Variants in ABCC4 observed in about 807,000 individuals in gnomAD.
ABCC4 encodes ATP-binding cassette sub-family C member 4.
Under a neutral mutation model 168.5 loss-of-function variants are expected in ABCC4, and 102 were observed. The observed-to-expected ratio is 0.61, with a 90% CI of 0.52 to 0.71. The LOEUF (loss-of-function observed/expected upper bound fraction) is 0.71, where lower values mean the gene tolerates loss of function less well. Among genes scored for constraint, ABCC4 ranks in the 30% least tolerant of loss-of-function variants. ABCC4 has a pLI of 0.00. For synonymous variants in ABCC4, 617 were observed against 590.7 expected (o/e 1.04, Z -0.65); for missense variants, 1,402 against 1,605.8 (o/e 0.87, Z 2.17).
chr13:95,205,854 C>T (rs534701149), intron 8 of ABCC4, among the ~76,000 whole-genome samples: 3 of 152,250 alleles, frequency 2.0e-5, no homozygotes, highest in Admixed American at 2.0e-4. Flanking sequence ...GATGGGAGGA[C>T]ACAGAGGTCC....
chr13:95,217,894 G>A (rs1419443022), intron 4 of ABCC4, among the ~76,000 whole-genome samples: 3 of 152,010 alleles, frequency 2.0e-5, no homozygotes, highest in Admixed American at 1.3e-4. Context: ...TTTCGGATTC[G>A]GGTACTTCCT....
intron 3 of ABCC4, among the ~76,000 whole-genome samples, chr13:95,241,580 T>C (rs908468119): frequency 6.6e-6 from 1 of 152,036 alleles, no homozygotes; most frequent in Non-Finnish European, 1.5e-5. Flanking sequence ...CCAGTCCCCA[T>C]CACAGTCTCC....
intron 8 of ABCC4, among the ~76,000 whole-genome samples, chr13:95,204,755 A>C (rs2038731817): frequency 6.6e-6 from 1 of 152,218 alleles, no homozygotes; most frequent in African/African-American, 2.4e-5. Flanking sequence ...CCTAGTTCTA[A>C]GATAGGCAAA....
rs570202786 is a variant in ABCC4, at chr13:95,046,970, T to C, written c.3457-2532A>G. Among the ~76,000 whole-genome samples, 97 of 152,316 alleles carry C rather than the reference T, an allele frequency of 6.4e-4. 1 individual carries two copies. Among genetic ancestry groups the C allele is most frequent in the African/African-American group, 2.3e-3 (94 of 41,568 alleles). ...CAGTGAGGTAAATAACTGTATTATGTCATGTAGTTGAATGTTCTTGTTCTT... is the reference window on the plus strand; with the variant it reads ...CAGTGAGGTAAATAACTGTATTATGCCATGTAGTTGAATGTTCTTGTTCTT... On this transcript the variant is annotated intron_variant, in intron 27 of 30. Coordinates refer to ENST00000645237, the MANE Select transcript of ABCC4 (RefSeq NM_005845.5).
chr13:95,046,552 G>A (rs748412312), intron 27 of ABCC4, among the ~76,000 whole-genome samples: 8 of 152,114 alleles, frequency 5.3e-5, no homozygotes, highest in Non-Finnish European at 8.8e-5. Flanking sequence ...ATCATCTGAG[G>A]TCAGGAGTTC....
At chr13:95,133,871 C>T (rs767824610) in intron 19 of ABCC4, among the ~76,000 whole-genome samples, 1 of 152,144 alleles carries the variant, frequency 6.6e-6, no homozygotes. Context: ...CCTTAGAAAA[C>T]GCCATAGCAA....
At chr13:95,195,672 T>C (rs1279832022) in intron 8 of ABCC4, among the ~76,000 whole-genome samples, 1 of 152,200 alleles carries the variant, frequency 6.6e-6, no homozygotes, top group Non-Finnish European at 1.5e-5. Flanking sequence ...TCTCACTCTG[T>C]CACCCAGGCT....
chr13:95,287,502 G>A (rs753144631), intron 1 of ABCC4, among the ~76,000 whole-genome samples: 1 of 150,046 alleles, frequency 6.7e-6, no homozygotes, highest in African/African-American at 2.5e-5. Flanking sequence ...CAGCAGAATC[G>A]TTTGAATCTG....
chr13:95,126,920 G>C (rs2035802455), intron 19 of ABCC4, among the ~76,000 whole-genome samples: 1 of 134,536 alleles, frequency 7.4e-6, no homozygotes, highest in Admixed American at 7.7e-5. Flanking sequence ...AAAAGCTAGG[G>C]GGGAAATTTA....
chr13:95,247,143 T>G (rs2040127821), intron 2 of ABCC4, 48 bp from the exon 3 acceptor site: 4 of 1,583,182 alleles, frequency 2.5e-6, no homozygotes, highest in Non-Finnish European at 2.6e-6. Context: ...CCTGCCACAA[T>G]ATAAAACAGG....
chr13:95,151,195 T>C (rs952551440), intron 19 of ABCC4, among the ~76,000 whole-genome samples: 2 of 152,090 alleles, frequency 1.3e-5, no homozygotes, highest in African/African-American at 4.8e-5. Flanking sequence ...AAGTAATCCA[T>C]TGTTGGTCTA....
intron 1 of ABCC4, among the ~76,000 whole-genome samples, chr13:95,274,600 C>G (rs2138892943): frequency 6.6e-6 from 1 of 152,354 alleles, no homozygotes; most frequent in Middle Eastern, 3.4e-3. Flanking sequence ...GGCCCAGGCT[C>G]TCCCCTCACT....
chr13:95,287,653 A>C (rs1249231977), intron 1 of ABCC4, among the ~76,000 whole-genome samples: 1 of 152,084 alleles, frequency 6.6e-6, no homozygotes, highest in Non-Finnish European at 1.5e-5. Context: ...TGGGAGGATC[A>C]GGAAGGAGGA....
At chr13:95,101,466 C>T (rs2034803718) in intron 20 of ABCC4, among the ~76,000 whole-genome samples, 1 of 152,024 alleles carries the variant, frequency 6.6e-6, no homozygotes, top group African/African-American at 2.4e-5. Context: ...AGTTAGCACA[C>T]TCGGAGCACT....
At chr13:95,047,068 A>G (rs977818286) in intron 27 of ABCC4, among the ~76,000 whole-genome samples, 1 of 152,244 alleles carries the variant, frequency 6.6e-6, no homozygotes, top group Non-Finnish European at 1.5e-5. Flanking sequence ...TTCAAGGGCT[A>G]TAAGAGAGGA....
intron 20 of ABCC4, among the ~76,000 whole-genome samples, chr13:95,095,434 C>A (rs1287298150): frequency 6.6e-6 from 1 of 152,072 alleles, no homozygotes. Flanking sequence ...TGAAGTAACT[C>A]AGGAATGGAA....
intron 9 of ABCC4, among the ~76,000 whole-genome samples, chr13:95,193,396 C>G (rs1373677513): frequency 6.6e-6 from 1 of 152,234 alleles, no homozygotes; most frequent in African/African-American, 2.4e-5. Context: ...GCTCCCAAAT[C>G]TTGCTGGCAG....
At chr13:95,159,098 T>TAA (rs1392187439) in intron 19 of ABCC4, among the ~76,000 whole-genome samples, 4 of 57,776 alleles carry the variant, frequency 6.9e-5, no homozygotes, top group African/African-American at 5.6e-4. Flanking sequence ...AAATTTTATA[T>TAA]ATATATATAT....
rs1566557356 is a variant in ABCC4, at chr13:95,238,209, A to AAG, written c.307-3376_307-3375insCT. On this transcript the variant is annotated intron_variant, in intron 3 of 30. Transcript: ENST00000645237. The stretch of plus-strand genomic sequence containing the variant: ...ACTCCATCTCAGAAAAAAAAAAAAA[A>AAG]AAAAAAAGAAATGGGGGAACAGGGG... 2.6e-5 allele frequency among the ~76,000 whole-genome samples: 4 copies of AAG among 151,682 alleles called. No individual in the cohort carries two copies. In the South Asian group the frequency reaches 8.3e-4, roughly 32 times the overall value.
Sources: allele counts gnomAD v4.1 joint callset (sites outside exome capture counted in the v4.1 genomes callset), GRCh38; gene constraint gnomAD v4.1.1; transcripts MANE v1.5; gene names NCBI Gene and HGNC (gene_info 2026-07-23, HGNC 2026-07-21).